Variants in C21orf91 observed in about 807,000 individuals in gnomAD.
C21orf91 encodes the protein protein EURL homolog.
Under a neutral mutation model 32.9 loss-of-function variants are expected in C21orf91, and 26 were observed. The observed-to-expected ratio is 0.79, with a 90% confidence interval of 0.58 to 1.10. The LOEUF (loss-of-function observed/expected upper bound fraction) is 1.10, where lower values mean the gene tolerates loss of function less well. Ranked by LOEUF, C21orf91 falls within the 50% of genes least tolerant of loss-of-function variation. The pLI is 0.00. For missense variants in C21orf91, 310 were observed against 341.3 expected (o/e 0.91, Z 0.72); for synonymous variants, 126 against 120.4 (o/e 1.05, Z -0.31).
intron 2 of C21orf91, among the ~76,000 whole-genome samples, chr21:17,815,384 A>C (rs1208413492): frequency 6.6e-6 from 1 of 152,192 alleles, no homozygotes; most frequent in Admixed American, 6.5e-5. Context: ...AACTACAAAA[A>C]ATTTACACTA....
intron 2 of C21orf91, among the ~76,000 whole-genome samples, chr21:17,812,456 T>C (rs965917486): frequency 6.6e-6 from 1 of 152,174 alleles, no homozygotes; most frequent in Non-Finnish European, 1.5e-5. Context: ...TCTGACCAAA[T>C]GAATGAAGCA....
In C21orf91 at chr21:17,793,384, G is replaced by A. The variant is rs1218121202; in HGVS notation, c.*31C>T. The A allele has an allele frequency of 4.6e-6, 7 of 1,512,306 alleles. No individual in the cohort carries two copies. In the Admixed American group the frequency reaches 5.9e-5, roughly 13 times the overall value. 93.7% of individuals were successfully genotyped at this position (1,512,306 alleles called of 1,614,324 possible). ...TTTGCATGTCTGGGAGACCAATAAAGGGCAGGGCATACGAAGTAAGTCTGT... is the reference window on the plus strand; with the variant it reads ...TTTGCATGTCTGGGAGACCAATAAAAGGCAGGGCATACGAAGTAAGTCTGT... On this transcript the variant is annotated 3_prime_UTR_variant, in exon 5 of 5. Coordinates refer to ENST00000284881, the MANE Select transcript of C21orf91 (RefSeq NM_001100420.2).
At chr21:17,798,944 ATTTATT>A (rs1015984475) in intron 2 of C21orf91, among the ~76,000 whole-genome samples, 9 of 152,294 alleles carry the variant, frequency 5.9e-5, no homozygotes, top group Admixed American at 5.9e-4. Flanking sequence ...TAACTGAAAC[ATTTATT>A]AAAGAGCTCC....
At chr21:17,807,522 G>A (rs909795208) in intron 2 of C21orf91, among the ~76,000 whole-genome samples, 2 of 152,168 alleles carry the variant, frequency 1.3e-5, no homozygotes, top group African/African-American at 4.8e-5. Flanking sequence ...CTTTGTAACA[G>A]GATAATGCGC....
At chr21:17,811,424 A>C (rs950423225) in intron 2 of C21orf91, 16 of 152,196 alleles carry the variant, frequency 1.1e-4, no homozygotes, top group African/African-American at 3.9e-4. Flanking sequence ...CTAGAGGGTG[A>C]CACTTCACTT....
At chr21:17,799,108 G>C (rs2062541382) in intron 2 of C21orf91, among the ~76,000 whole-genome samples, 1 of 152,108 alleles carries the variant, frequency 6.6e-6, no homozygotes, top group African/African-American at 2.4e-5. Context: ...TGTGAACTAG[G>C]CTATGGAAAG....
chr21:17,793,368 C>A lies in C21orf91; in HGVS notation c.*47G>T. On this transcript the variant is annotated 3_prime_UTR_variant, in exon 5 of 5. Transcript: ENST00000284881. ...TCAAACTTCTTCAAAGTTTGCATGT[C>A]TGGGAGACCAATAAAGGGCAGGGCA... 5 of 1,415,000 alleles carry A rather than the reference C, an allele frequency of 3.5e-6. 1 individual carries two copies. The highest frequency in any genetic ancestry group is 4.7e-6 in the Non-Finnish European group (5 of 1,054,050). 87.7% of individuals were successfully genotyped at this position (1,415,000 alleles called of 1,614,324 possible). A position where few individuals can be genotyped will look rare whatever the true frequency, so the allele number is the denominator to read the frequency against.
chr21:17,794,750 G>A (rs1469174283), intron 4 of C21orf91, among the ~76,000 whole-genome samples: 1 of 152,132 alleles, frequency 6.6e-6, no homozygotes, highest in African/African-American at 2.4e-5. Context: ...AGTAAGAGGT[G>A]GTAGTTTCCA....
At chr21:17,811,447 A>T (rs1402536600) in intron 2 of C21orf91, 9 of 152,214 alleles carry the variant, frequency 5.9e-5, no homozygotes, top group Non-Finnish European at 1.0e-4. Context: ...TCTAAAGTAG[A>T]GATAAATCTA....
chr21:17,806,880 A>G (rs1297654151), intron 2 of C21orf91, among the ~76,000 whole-genome samples: 2 of 152,094 alleles, frequency 1.3e-5, no homozygotes, highest in Non-Finnish European at 2.9e-5. Flanking sequence ...CCAAAAAAAA[A>G]AGAAGAGTGG....
At chr21:17,812,442 G>A (rs1600888792) in intron 2 of C21orf91, among the ~76,000 whole-genome samples, 1 of 152,186 alleles carries the variant, frequency 6.6e-6, no homozygotes, top group East Asian at 1.9e-4. Flanking sequence ...TAGGTAATGA[G>A]GGCTCTGACC....
At chr21:17,807,151 C>T (rs2062601869) in intron 2 of C21orf91, among the ~76,000 whole-genome samples, 1 of 152,032 alleles carries the variant, frequency 6.6e-6, no homozygotes, top group Non-Finnish European at 1.5e-5. Context: ...GTGTTCCCAC[C>T]CAAGTATCAT....
chr21:17,801,715 G>A (rs569511080), intron 2 of C21orf91, among the ~76,000 whole-genome samples: 2 of 151,918 alleles, frequency 1.3e-5, no homozygotes, highest in South Asian at 4.2e-4. Context: ...GCTAGGGGAG[G>A]GATAACATTA....
chr21:17,804,458 A>G (rs1376929284), intron 2 of C21orf91, among the ~76,000 whole-genome samples: 1 of 152,252 alleles, frequency 6.6e-6, no homozygotes, highest in Non-Finnish European at 1.5e-5. Flanking sequence ...AGCCACTTAA[A>G]TGACTAAATA....
rs2062454377 is a variant in C21orf91 at position 17,789,321 on chromosome 21, T to C, written c.*4094A>G. The C allele has an allele frequency of 6.6e-6, 1 of 151,758 alleles. No homozygotes were observed. Among genetic ancestry groups the C allele is most frequent in the Non-Finnish European group, 1.5e-5 (1 of 67,968 alleles). 9.4% of individuals were successfully genotyped at this position (151,758 alleles called of 1,614,324 possible). On this transcript the variant is annotated 3_prime_UTR_variant, in exon 5 of 5. Coordinates refer to ENST00000284881, the MANE Select transcript of C21orf91 (RefSeq NM_001100420.2). ...CTGAACAAAAGTCACTACTTAATAC[T>C]TTCTAAATTGCCTCTTTTGGAGGTA...
chr21:17,817,521 T>C (rs1355935901), intron 2 of C21orf91, among the ~76,000 whole-genome samples: 5 of 152,136 alleles, frequency 3.3e-5, no homozygotes, highest in Non-Finnish European at 7.4e-5. Context: ...GTATGACTCA[T>C]AAATATCTAA....
rs757766192 is a variant in C21orf91 at position 17,793,439 on chromosome 21, C to T, written c.870G>A (p.Lys290=). The change falls in exon 5 of 5, where the codon AAG becomes AAA. Residue 290 remains lysine, a synonymous_variant. Coordinates refer to ENST00000284881, the MANE Select transcript of C21orf91 (RefSeq NM_001100420.2). ...GTCAGTTGTTTATGGGTAGGTGCGA[C>T]TTCATTCCTGTTCGCCCTACTTGCA... ...PCLQVGRTGM[K]SHLPINN 6.2e-7 allele frequency: 1 copy of T among 1,612,240 alleles called. No individual in the cohort carries two copies. Among genetic ancestry groups the T allele is most frequent in the South Asian group, 1.1e-5 (1 of 90,856 alleles).
intron 2 of C21orf91, among the ~76,000 whole-genome samples, chr21:17,802,704 T>C (rs1049596132): frequency 1.1e-4 from 17 of 152,234 alleles, no homozygotes; most frequent in Admixed American, 9.8e-4. Flanking sequence ...ATAAGTAAGC[T>C]AGGCAATCTT....
Position 17,810,457 on chromosome 21 carries a change from G to C in C21orf91, c.127+7735C>G, listed in dbSNP as rs1307816641. ...CTTATCTTCTAAAATTCAGAAACTA[G>C]GAAGTTCAACATTAATGAACACTTT... is the stretch of plus-strand genomic sequence containing the variant. On this transcript the variant is annotated intron_variant, in intron 2 of 4. Coordinates refer to ENST00000284881, the MANE Select transcript of C21orf91 (RefSeq NM_001100420.2). The C allele has an allele frequency of 5.3e-5, 8 of 152,298 alleles. No individual in the cohort carries two copies. The East Asian group carries it at 1.5e-3, about 29-fold the overall frequency. The allele number at this position is 152,298 out of a possible 1,614,324, so 9.4% of individuals were successfully genotyped here.
Sources: allele counts gnomAD v4.1 joint callset (sites outside exome capture counted in the v4.1 genomes callset), GRCh38; gene constraint gnomAD v4.1.1; transcripts MANE v1.5; gene names NCBI Gene and HGNC (gene_info 2026-07-23, HGNC 2026-07-21).